Variants in NR4A3 observed in about 807,000 individuals in gnomAD.
NR4A3 encodes chondrosarcoma, extraskeletal myxoid, fused to EWS.
NR4A3 carries 13 observed loss-of-function variants against 55.6 expected under a neutral mutation model. That is an observed-to-expected ratio of 0.23 (90% confidence interval 0.15 to 0.37). The LOEUF is 0.37. NR4A3 is among the 10% of genes least tolerant of loss of function. NR4A3 has a pLI of 1.00. For synonymous variants in NR4A3, 342 were observed against 357.9 expected (o/e 0.96, Z 0.50); for missense variants, 646 against 822.8 (o/e 0.79, Z 2.63).
intron 7 of NR4A3, 88 bp downstream of exon 7, chr9:99,847,703 GA>G (rs1827779002): frequency 3.3e-6 from 4 of 1,229,540 alleles, no homozygotes; most frequent in Non-Finnish European, 4.6e-6. Flanking sequence ...ACACACACCA[GA>G]AAAGTGGGAA....
intron 5 of NR4A3, among the ~76,000 whole-genome samples, chr9:99,834,612 C>T (rs1235438845): frequency 1.3e-5 from 2 of 152,172 alleles, no homozygotes; most frequent in East Asian, 3.9e-4. Flanking sequence ...CTGCCCTCCC[C>T]AGGTCTAATC....
chr9:99,833,646 C>A, intron 5 of NR4A3, 192 bp downstream of exon 5: 1 of 1,593,044 alleles, frequency 6.3e-7, no homozygotes, highest in Non-Finnish European at 8.5e-7. Flanking sequence ...CTTATTGAAT[C>A]TCTAAATGCC....
chr9:99,822,376 C>T lies in NR4A3; in HGVS notation c.-208C>T, dbSNP rs1827196811. The T allele has an allele frequency of 6.6e-6, 1 of 152,314 alleles. No homozygotes were observed. The highest frequency in any genetic ancestry group is 1.5e-5 in the Non-Finnish European group (1 of 68,120). The allele number at this position is 152,314 out of a possible 1,614,324, so 9.4% of individuals were successfully genotyped here. On this transcript the variant is annotated 5_prime_UTR_variant, in exon 1 of 8. Coordinates refer to ENST00000395097, the MANE Select transcript of NR4A3 (RefSeq NM_006981.4). The surrounding 1 kb of genome is among the most constrained non-coding windows in gnomAD (Gnocchi z 4.9). ...ATTTCGGGACAGCTCTCTAGAAACT[C>T]GCTCTAAAGACGGAACCGCCACAGC...
chr9:99,835,801 T>A (rs7041475), intron 5 of NR4A3, among the ~76,000 whole-genome samples: 54,343 of 152,032 alleles, frequency 0.36, 10,039 homozygotes, highest in Middle Eastern at 0.41. Context: ...CACCATTCAG[T>A]CTGTTAGTCT....
chr9:99,826,804 A>G, intron 2 of NR4A3: 2 of 1,613,034 alleles, frequency 1.2e-6, no homozygotes, highest in South Asian at 2.2e-5. Flanking sequence ...AAATGTGGGT[A>G]AGAGAAAGAT....
chr9:99,832,966 A>C (rs1304286467), intron 4 of NR4A3, 148 bp downstream of exon 4: 1 of 702,314 alleles, frequency 1.4e-6, no homozygotes, highest in African/African-American at 1.8e-5. Flanking sequence ...TCTACATTTT[A>C]AAATAACTGA....
chr9:99,847,211 C>A (rs1827769699), intron 6 of NR4A3, among the ~76,000 whole-genome samples: 2 of 152,332 alleles, frequency 1.3e-5, no homozygotes, highest in South Asian at 4.1e-4. Flanking sequence ...CCCATATCTT[C>A]CCCTGGGCTG....
At chr9:99,829,129 C>CT in intron 3 of NR4A3, 136 bp downstream of exon 3, 2 of 1,054,990 alleles carry the variant, frequency 1.9e-6, no homozygotes, top group Non-Finnish European at 2.4e-6. Context: ...ACAGCCCTTC[C>CT]TAGCACCTTC....
intron 3 of NR4A3, among the ~76,000 whole-genome samples, 177 bp from the exon 4 acceptor site, chr9:99,832,512 T>A (rs1248339652): frequency 6.6e-6 from 1 of 152,240 alleles, no homozygotes; most frequent in Non-Finnish European, 1.5e-5. Context: ...ATTTTCATTG[T>A]CAGCAGCTAA....
At chr9:99,837,163 T>C (rs950468181) in intron 5 of NR4A3, among the ~76,000 whole-genome samples, 1 of 152,206 alleles carries the variant, frequency 6.6e-6, no homozygotes, top group Non-Finnish European at 1.5e-5. Flanking sequence ...CTTTTTAAAT[T>C]GTTTCCTTTG....
At chr9:99,829,248 T>G (rs1178620807) in intron 3 of NR4A3, among the ~76,000 whole-genome samples, 1 of 152,112 alleles carries the variant, frequency 6.6e-6, no homozygotes, top group African/African-American at 2.4e-5. Flanking sequence ...CTATGAACAT[T>G]TTTCTGGAGA....
intron 2 of NR4A3, among the ~76,000 whole-genome samples, chr9:99,827,258 ATGTGTGTGTGTG>A (rs35554489): frequency 2.1e-5 from 3 of 145,122 alleles, no homozygotes; most frequent in Admixed American, 7.0e-5. Flanking sequence ...GGATATATAT[ATGTGTGTGTGTG>A]TGTGTGTGTG....
intron 7 of NR4A3, among the ~76,000 whole-genome samples, chr9:99,856,210 G>A (rs1827924935): frequency 6.6e-6 from 1 of 151,664 alleles, no homozygotes; most frequent in Admixed American, 6.6e-5. Context: ...TGTAAAATCG[G>A]TGGGAACCCT....
At chr9:99,863,523 A>G in intron 7 of NR4A3, 97 bp from the exon 8 acceptor site, 1 of 1,448,966 alleles carries the variant, frequency 6.9e-7, no homozygotes, top group Admixed American at 2.2e-5. Context: ...AAGCTATCCA[A>G]ACTGGCAGAA....
Position 99,866,656 on chromosome 9 carries a change from C to T in NR4A3, c.*2789C>T. The stretch of plus-strand genomic sequence containing the variant: ...CATGTATTAAAGCAGGTGATTCCTC[C>T]CCTTGGCGGGAGAGCTCTCTCAGTG... On this transcript the variant is annotated 3_prime_UTR_variant, in exon 8 of 8. Transcript: ENST00000395097. The T allele has an allele frequency of 4.4e-6, 1 of 225,512 alleles. No homozygotes were observed. Among genetic ancestry groups the T allele is most frequent in the Non-Finnish European group, 8.9e-6 (1 of 112,876 alleles). The allele number at this position is 225,512 out of a possible 1,614,324, so 14.0% of individuals were successfully genotyped here. A position where few individuals can be genotyped will look rare whatever the true frequency, so the allele number is the denominator to read the frequency against.
Position 99,828,932 on chromosome 9 carries a change from A to G in NR4A3, c.890A>G (p.Asp297Gly). The G allele has an allele frequency of 6.9e-7, 1 of 1,447,362 alleles. No homozygotes were observed. The highest frequency in any genetic ancestry group is 9.1e-7 in the Non-Finnish European group (1 of 1,099,812). 89.7% of individuals were successfully genotyped at this position (1,447,362 alleles called of 1,614,324 possible). A position where few individuals can be genotyped will look rare whatever the true frequency, so the allele number is the denominator to read the frequency against. ...GAGGGCACGTGTGCCGTGTGCGGGG[A>G]CAACGCCGCCTGCCAGCACTACGGC... Reference protein sequence around the residue: ...SGEGTCAVCGDNAACQHYGVR... With the variant: ...SGEGTCAVCGGNAACQHYGVR... Residue 297 changes from aspartate to glycine, a missense_variant, in exon 3 of 8, where the codon GAC becomes GGC. Asp to Gly is a moderately conservative substitution (Grantham distance 94). Coordinates refer to ENST00000395097, the MANE Select transcript of NR4A3 (RefSeq NM_006981.4). This position sits in a 1 kb window ranked among gnomAD's most constrained non-coding sequence, Gnocchi z 7.7.
At chr9:99,824,267 G>C (rs529965286) in intron 1 of NR4A3, among the ~76,000 whole-genome samples, 1 of 152,338 alleles carries the variant, frequency 6.6e-6, no homozygotes, top group South Asian at 2.1e-4. Context: ...CCTTCGTTGG[G>C]GAGAGGCGGT....
chr9:99,862,582 A>AAAG (rs1564041242), intron 7 of NR4A3, among the ~76,000 whole-genome samples: 1 of 116,186 alleles, frequency 8.6e-6, no homozygotes, highest in African/African-American at 4.2e-5. Flanking sequence ...AAAAAAAAAA[A>AAAG]AGAGAGAGAA....
At position 99,828,761 on chromosome 9, in the gene NR4A3, G is replaced by T; in HGVS notation, c.719G>T (p.Ser240Ile). Reference sequence around the variant, plus strand: ...GGCAGCCAGGCCGCCGCGCTTGAGAGCCACCCGTACGGGCTGCCGCTGGCC... The same window carrying T: ...GGCAGCCAGGCCGCCGCGCTTGAGATCCACCCGTACGGGCTGCCGCTGGCC... ...AAGSQAAALESHPYGLPLAKR... is the reference protein window; with the variant it reads ...AAGSQAAALEIHPYGLPLAKR... The change falls in exon 3 of 8, where the codon AGC (serine) becomes ATC (isoleucine). Residue 240 changes from serine to isoleucine, a missense_variant. Physicochemically the swap from Ser to Ile is moderately radical, Grantham distance 142. Coordinates refer to ENST00000395097, the MANE Select transcript of NR4A3 (RefSeq NM_006981.4). This position sits in a 1 kb window ranked among gnomAD's most constrained non-coding sequence, Gnocchi z 7.7. The T allele has an allele frequency of 7.1e-7, 1 of 1,398,944 alleles. No homozygotes were observed. The highest frequency in any genetic ancestry group is 9.3e-7 in the Non-Finnish European group (1 of 1,076,624). 86.7% of individuals were successfully genotyped at this position (1,398,944 alleles called of 1,614,324 possible).
Sources: allele counts gnomAD v4.1 joint callset (sites outside exome capture counted in the v4.1 genomes callset), GRCh38; gene constraint gnomAD v4.1.1; non-coding constraint Gnocchi (gnomAD v3.1); transcripts MANE v1.5; gene names NCBI Gene and HGNC (gene_info 2026-07-23, HGNC 2026-07-21).